The following UBE2R2 variants were observed in gnomAD, a reference collection of about 807,000 sequenced individuals.
The protein encoded by UBE2R2 is ubiquitin-conjugating enzyme E2 R2.
Under a neutral mutation model 27.8 loss-of-function variants are expected in UBE2R2, and 1 was observed. The observed-to-expected ratio is 0.04, with a 90% CI of 0.01 to 0.17. The LOEUF (loss-of-function observed/expected upper bound fraction) is 0.17, where lower values mean the gene tolerates loss of function less well. Among genes scored for constraint, UBE2R2 ranks in the 10% least tolerant of loss-of-function variants. UBE2R2 has a pLI of 1.00. For missense variants in UBE2R2, 100 were observed against 291.0 expected, an observed-to-expected ratio of 0.34 and a Z score of 4.78; for synonymous variants, 106 against 113.3, an observed-to-expected ratio of 0.94 and a Z score of 0.41.
chr9:33,854,391 C>T (rs1821049039), intron 1 of UBE2R2, among the ~76,000 whole-genome samples: 1 of 151,954 alleles, frequency 6.6e-6, no homozygotes, highest in Non-Finnish European at 1.5e-5. Flanking sequence ...ACAATCTCAG[C>T]TCACTGCAAC....
At chr9:33,823,761 G>A (rs1304509827) in intron 1 of UBE2R2, among the ~76,000 whole-genome samples, 2 of 152,198 alleles carry the variant, frequency 1.3e-5, no homozygotes, top group African/African-American at 4.8e-5. Flanking sequence ...CAGAGAAAAT[G>A]GGTACACGTA....
chr9:33,837,487 G>A (rs1030850506), intron 1 of UBE2R2, among the ~76,000 whole-genome samples: 1 of 149,954 alleles, frequency 6.7e-6, no homozygotes, highest in Non-Finnish European at 1.5e-5. Context: ...GTGCAGTGGT[G>A]CGAACATAGC....
intron 4 of UBE2R2, 33 bp downstream of exon 4, chr9:33,912,131 A>G (rs1822507004): frequency 1.3e-6 from 2 of 1,561,604 alleles, no homozygotes; most frequent in South Asian, 1.2e-5. Context: ...CTCAAGTTAT[A>G]CAAAACCAAA....
Position 33,845,110 on chromosome 9 carries a change from A to G in UBE2R2, c.177+27176A>G, listed in dbSNP as rs144980296. ...TTAATCAACTGTTGATGTTGCTTAC[A>G]GTATCCTCAGCTTGCTGAGCAACTG... On this transcript the variant is annotated intron_variant, in intron 1 of 4. Coordinates refer to ENST00000263228, the MANE Select transcript of UBE2R2 (RefSeq NM_017811.4). Among the ~76,000 whole-genome samples, 12 of 152,236 alleles carry G rather than the reference A, an allele frequency of 7.9e-5. No individual in the cohort carries two copies. In the East Asian group the frequency reaches 2.1e-3, roughly 27 times the overall value.
At chr9:33,873,347 G>C (rs1821529651) in intron 1 of UBE2R2, among the ~76,000 whole-genome samples, 1 of 151,924 alleles carries the variant, frequency 6.6e-6, no homozygotes. Flanking sequence ...TTTAGGGCTG[G>C]ACAGCCAACT....
intron 1 of UBE2R2, among the ~76,000 whole-genome samples, chr9:33,827,056 C>T (rs184085790): frequency 3.3e-5 from 5 of 152,276 alleles, no homozygotes; most frequent in African/African-American, 7.2e-5. Flanking sequence ...GAGCCGAGAT[C>T]GCGCCACTGC....
chr9:33,851,568 T>C (rs548592956), intron 1 of UBE2R2, among the ~76,000 whole-genome samples: 5 of 152,286 alleles, frequency 3.3e-5, no homozygotes, highest in Admixed American at 3.3e-4. Context: ...TTTGGGTAAA[T>C]TTTCCCTATG....
intron 2 of UBE2R2, among the ~76,000 whole-genome samples, chr9:33,894,821 C>G (rs1351818751): frequency 1.3e-5 from 2 of 152,154 alleles, no homozygotes; most frequent in Non-Finnish European, 2.9e-5. Flanking sequence ...CACTTGAACC[C>G]GGGAGGTAGA....
rs1202336903 is a variant in UBE2R2 at position 33,917,103 on chromosome 9, A to G, written c.583A>G (p.Lys195Glu). The G allele has an allele frequency of 6.2e-7, 1 of 1,614,132 alleles. No homozygotes were observed. Among genetic ancestry groups the G allele is most frequent in the Non-Finnish European group, 8.5e-7 (1 of 1,180,042 alleles). The stretch of plus-strand genomic sequence containing the variant: ...CCTGGCGGAATACTGCATCAAAACT[A>G]AAGTGCCTTCCAATGACAACAGCTC... ...TTLAEYCIKT[K>E]VPSNDNSSDL... The change falls in exon 5 of 5, where the codon AAA becomes GAA. Residue 195 changes from lysine (K) to glutamate (E), a missense_variant. Coordinates refer to ENST00000263228, the MANE Select transcript of UBE2R2 (RefSeq NM_017811.4).
At chr9:33,855,665 A>G (rs1477524995) in intron 1 of UBE2R2, among the ~76,000 whole-genome samples, 1 of 152,212 alleles carries the variant, frequency 6.6e-6, no homozygotes, top group East Asian at 1.9e-4. Flanking sequence ...TGAAACTCCT[A>G]GACAGTAGTG....
chr9:33,878,986 G>A (rs1305095375), intron 1 of UBE2R2, among the ~76,000 whole-genome samples: 2 of 152,090 alleles, frequency 1.3e-5, no homozygotes, highest in African/African-American at 2.4e-5. Context: ...ACTACACAGA[G>A]TACCCAGCAT....
Position 33,877,823 on chromosome 9 carries a change from G to GTCTGTGTCTCTCTCTCTCTCTCTCTC in UBE2R2, c.178-9055_178-9054insGTGTCTCTCTCTCTCTCTCTCTCTCT. Among the ~76,000 whole-genome samples the GTCTGTGTCTCTCTCTCTCTCTCTCTC allele has an allele frequency of 3.8e-5, 5 of 131,102 alleles. 1 individual carries two copies. The highest frequency in any genetic ancestry group is 7.9e-5 in the Non-Finnish European group (5 of 63,534). 86.0% of individuals were successfully genotyped at this position (131,102 alleles called of 152,430 possible). A position where few individuals can be genotyped will look rare whatever the true frequency, so the allele number is the denominator to read the frequency against. On this transcript the variant is annotated intron_variant, in intron 1 of 4. Coordinates refer to ENST00000263228, the MANE Select transcript of UBE2R2 (RefSeq NM_017811.4). Reference sequence around the variant, plus strand: ...TCTCTGTCTGTCTGTCTGTCTGTCTGTCTCTCTCTCTCTCTCTCTCTCTCT... The same window carrying GTCTGTGTCTCTCTCTCTCTCTCTCTC: ...TCTCTGTCTGTCTGTCTGTCTGTCTGTCTGTGTCTCTCTCTCTCTCTCTCTCTCTCTCTCTCTCTCTCTCTCTCTCT...
At chr9:33,870,707 T>C (rs1821468056) in intron 1 of UBE2R2, among the ~76,000 whole-genome samples, 1 of 152,188 alleles carries the variant, frequency 6.6e-6, no homozygotes, top group South Asian at 2.1e-4. Flanking sequence ...AAATAGGTCA[T>C]ATGCATTTAT....
chr9:33,836,733 G>A (rs1820621672), intron 1 of UBE2R2, among the ~76,000 whole-genome samples: 1 of 150,600 alleles, frequency 6.6e-6, no homozygotes, highest in South Asian at 2.1e-4. Context: ...CTCCAGCCTG[G>A]GCAACAGAGC....
At chr9:33,862,373 C>T (rs187370652) in intron 1 of UBE2R2, among the ~76,000 whole-genome samples, 46 of 152,212 alleles carry the variant, frequency 3.0e-4, no homozygotes, top group Admixed American at 1.2e-3. Context: ...GCCGCCTGCC[C>T]AAGAATTTGG....
In UBE2R2 at chr9:33,915,167, C is replaced by T. The variant is rs548994490; in HGVS notation, c.498-1851C>T. ...AAAATCAAATAGTTGGCCAGGGGAC[C>T]AACATGGACTAAACTGAGGTAGTAG... On this transcript the variant is annotated intron_variant, in intron 4 of 4. Coordinates refer to ENST00000263228, the MANE Select transcript of UBE2R2 (RefSeq NM_017811.4). Among the ~76,000 whole-genome samples, 38 of 151,398 alleles carry T rather than the reference C, an allele frequency of 2.5e-4. No individual in the cohort carries two copies. The South Asian group carries it at 6.1e-3, about 24-fold the overall frequency.
At chr9:33,827,821 A>G (rs1820349009) in intron 1 of UBE2R2, among the ~76,000 whole-genome samples, 1 of 149,936 alleles carries the variant, frequency 6.7e-6, no homozygotes, top group African/African-American at 2.5e-5. Context: ...AAATACAAAA[A>G]TTAGCTGGGC....
chr9:33,821,729 C>T (rs979885282), intron 1 of UBE2R2, among the ~76,000 whole-genome samples: 6 of 151,806 alleles, frequency 4.0e-5, no homozygotes, highest in Admixed American at 2.6e-4. Flanking sequence ...GATTCTCTTG[C>T]CTCAGCCTCC....
intron 2 of UBE2R2, among the ~76,000 whole-genome samples, chr9:33,895,538 A>G (rs1390153312): frequency 6.6e-6 from 1 of 152,150 alleles, no homozygotes; most frequent in Non-Finnish European, 1.5e-5. Context: ...GGTCCCTTAA[A>G]TTGCTATATA....
Sources: gnomAD v4.1 joint callset for allele counts (sites outside exome capture counted in the v4.1 genomes callset) on GRCh38, gnomAD v4.1.1 for gene constraint, MANE v1.5 for transcripts, NCBI Gene and HGNC (gene_info 2026-07-23, HGNC 2026-07-21) for gene names.